Variants in COL4A1 observed in about 807,000 individuals in gnomAD.
COL4A1 encodes collagen alpha-1(IV) chain.
In COL4A1, 40 loss-of-function variants were observed where a neutral mutation model predicts 216.6. The ratio of observed to expected loss-of-function variants is 0.18; its 90% confidence interval spans 0.14 to 0.24. The LOEUF (loss-of-function observed/expected upper bound fraction) is 0.24. Ranked by LOEUF, COL4A1 falls within the 10% of genes least tolerant of loss-of-function variation. The pLI is 1.00. For synonymous variants in COL4A1, 839 were observed against 810.7 expected (o/e 1.03, Z -0.59); for missense variants, 1,628 against 2,196.8 (o/e 0.74, Z 5.18).
intron 22 of COL4A1, among the ~76,000 whole-genome samples, chr13:110,193,188 C>CCA (rs1555304783): frequency 6.6e-6 from 1 of 152,234 alleles, no homozygotes; most frequent in Non-Finnish European, 1.5e-5. Flanking sequence ...GTTCTTCTCC[C>CCA]AGCGAAAAGA....
intron 1 of COL4A1, among the ~76,000 whole-genome samples, chr13:110,279,365 C>T (rs1046479501): frequency 6.6e-6 from 1 of 152,196 alleles, no homozygotes; most frequent in Non-Finnish European, 1.5e-5. Context: ...CCCCACAATA[C>T]GGGCTCCTTC....
chr13:110,162,278 A>G lies in COL4A1; in HGVS notation c.4414T>C (p.Ser1472Pro). 6.2e-7 allele frequency: 1 copy of G among 1,614,238 alleles called. No individual in the cohort carries two copies. Among genetic ancestry groups the G allele is most frequent in the Non-Finnish European group, 8.5e-7 (1 of 1,180,046 alleles). Reference protein sequence around the residue: ...SGTKILYHGYSLLYVQGNERA... With the variant: ...SGTKILYHGYPLLYVQGNERA... ...TCATTGCCTTGCACGTAGAGCAAAG[A>G]GTACCCGTGGTAAAGAATTTTGGTC... Residue 1472 changes from serine (S) to proline (P), a missense_variant, in exon 48 of 52, where the codon TCT (serine) becomes CCT (proline). Physicochemically the swap from Ser to Pro is moderately conservative, Grantham distance 74. This residue lies in a region of COL4A1 where 254 missense variants were observed against 300.1 expected (regional missense o/e 0.85). Transcript: ENST00000375820.
At chr13:110,192,631 G>A (rs538257834) in intron 23 of COL4A1, among the ~76,000 whole-genome samples, 199 bp downstream of exon 23, 6 of 152,272 alleles carry the variant, frequency 3.9e-5, no homozygotes, top group Non-Finnish European at 8.8e-5. Context: ...TCTTTTATTA[G>A]GAAATCTTTA....
At chr13:110,244,195 T>C (rs1288487971) in intron 1 of COL4A1, among the ~76,000 whole-genome samples, 6 of 152,220 alleles carry the variant, frequency 3.9e-5, no homozygotes, top group Non-Finnish European at 8.8e-5. Flanking sequence ...CAGCCTCAGC[T>C]GCATTGCCAT....
intron 1 of COL4A1, among the ~76,000 whole-genome samples, chr13:110,279,554 G>A (rs1883547274): frequency 1.3e-5 from 2 of 152,240 alleles, no homozygotes; most frequent in African/African-American, 4.8e-5. Context: ...TTGGGGGGCT[G>A]GAGGACCACA....
chr13:110,213,759 T>C (rs1296357896), intron 4 of COL4A1, 23 bp downstream of exon 4: 5 of 1,611,094 alleles, frequency 3.1e-6, no homozygotes, highest in East Asian at 2.2e-5. Context: ...GAATCATCGA[T>C]TGTGAGTAGC....
At chr13:110,276,850 C>A (rs140924380) in intron 1 of COL4A1, among the ~76,000 whole-genome samples, 98 of 152,308 alleles carry the variant, frequency 6.4e-4, no homozygotes, top group African/African-American at 2.3e-3. Flanking sequence ...ACTGGTGACC[C>A]GCAGGCCAGA....
At chr13:110,275,680 C>T (rs1369158165) in intron 1 of COL4A1, among the ~76,000 whole-genome samples, 1 of 152,202 alleles carries the variant, frequency 6.6e-6, no homozygotes, top group East Asian at 1.9e-4. Context: ...AAACAAACAA[C>T]CTGTGGGACA....
intron 1 of COL4A1, among the ~76,000 whole-genome samples, chr13:110,262,740 T>A (rs1566427186): frequency 6.6e-6 from 1 of 152,224 alleles, no homozygotes; most frequent in Admixed American, 6.5e-5. Context: ...CTGCACTGAT[T>A]AATCCTCCCT....
At chr13:110,292,942 T>A (rs1017690052) in intron 1 of COL4A1, among the ~76,000 whole-genome samples, 1 of 152,220 alleles carries the variant, frequency 6.6e-6, no homozygotes, top group African/African-American at 2.4e-5. Context: ...CAGCCAAAGA[T>A]ATCACGCCTC....
At chr13:110,152,297 G>A (rs777069967) in intron 51 of COL4A1, 37 bp downstream of exon 51, 3 of 1,612,962 alleles carry the variant, frequency 1.9e-6, no homozygotes, top group Admixed American at 1.7e-5. Flanking sequence ...GTCACAAAGG[G>A]GCCAGCAGCC....
intron 50 of COL4A1, among the ~76,000 whole-genome samples, chr13:110,153,931 G>A (rs78326356): frequency 0.027 from 4,074 of 152,274 alleles, 62 homozygotes; most frequent in East Asian, 0.038. Flanking sequence ...CCCTCCACAC[G>A]GCTGGGGCGC....
chr13:110,151,791 A>G (rs1173572213), intron 51 of COL4A1, among the ~76,000 whole-genome samples: 1 of 152,204 alleles, frequency 6.6e-6, no homozygotes, highest in East Asian at 1.9e-4. Flanking sequence ...CAAGGTTAGT[A>G]GCCACTTGGG....
Position 110,178,982 on chromosome 13 carries a change from C to T in COL4A1, c.2399G>A (p.Gly800Glu). 1 of 1,612,076 alleles carries T rather than the reference C, an allele frequency of 6.2e-7. No individual in the cohort carries two copies. ...PGSVGSPGVP[G>E]IGPPGARGPP... ...ACCCCTAGCTCCAGGGGGGCCTATT[C>T]CTGGAACTCCTGGAGACCCCACGGA... is the stretch of plus-strand genomic sequence containing the variant. Residue 800 changes from glycine to glutamate, a missense_variant, in exon 31 of 52, where the codon GGA (glycine) becomes GAA (glutamate). Physicochemically the swap from Gly to Glu is moderately conservative, Grantham distance 98 (BLOSUM62 -2). Transcript: ENST00000375820.
chr13:110,170,930 T>C (rs546186074), intron 41 of COL4A1, among the ~76,000 whole-genome samples, 198 bp from the exon 42 acceptor site: 21 of 152,316 alleles, frequency 1.4e-4, no homozygotes, highest in Non-Finnish European at 2.4e-4. Flanking sequence ...AATCCGACCA[T>C]GGCCTGGCTG....
At chr13:110,192,108 C>T (rs1594565835) in intron 24 of COL4A1, 106 bp downstream of exon 24, 2 of 1,170,424 alleles carry the variant, frequency 1.7e-6, no homozygotes, top group Non-Finnish European at 2.6e-6. Flanking sequence ...TTACCAGCTC[C>T]CACACAAGGC....
At chr13:110,165,505 C>G (rs1877296039) in intron 45 of COL4A1, among the ~76,000 whole-genome samples, 1 of 151,934 alleles carries the variant, frequency 6.6e-6, no homozygotes, top group African/African-American at 2.4e-5. Context: ...TGCGAGTTCC[C>G]CTCAGCCTCC....
chr13:110,282,523 G>C (rs1594114315), intron 1 of COL4A1, among the ~76,000 whole-genome samples: 1 of 152,274 alleles, frequency 6.6e-6, no homozygotes, highest in East Asian at 1.9e-4. Flanking sequence ...ATTAGCAATG[G>C]CAAGCTGGTT....
In COL4A1 at chr13:110,179,253, T is replaced by C. The variant is rs370939644; in HGVS notation, c.2344+18A>G. 1.5e-5 allele frequency: 25 copies of C among 1,613,946 alleles called. No homozygotes were observed. The highest frequency in any genetic ancestry group is 1.9e-5 in the Non-Finnish European group (22 of 1,179,990). On this transcript the variant is annotated intron_variant, in intron 30 of 51. Transcript: ENST00000375820. ...ATCCTGTCCTCGAAACCCTCCAGAC[T>C]GATCTGCATGAAGTTACCTCTGATC...
Sources: gnomAD v4.1 joint callset for allele counts (sites outside exome capture counted in the v4.1 genomes callset) on GRCh38, gnomAD v4.1.1 for gene constraint, gnomAD v4.1.1 regional missense constraint, MANE v1.5 for transcripts, NCBI Gene and HGNC (gene_info 2026-07-23, HGNC 2026-07-21) for gene names.